The following CDYL2 variants were observed in gnomAD, a reference collection of about 807,000 sequenced individuals.
CDYL2 encodes chromodomain Y-like protein 2.
Under a neutral mutation model 49.4 loss-of-function variants are expected in CDYL2, and 23 were observed. The observed-to-expected ratio is 0.47, with a 90% confidence interval of 0.34 to 0.66. The LOEUF (loss-of-function observed/expected upper bound fraction) is 0.66. Among genes scored for constraint, CDYL2 ranks in the 30% least tolerant of loss-of-function variants. The probability of loss-of-function intolerance (pLI) is 0.01; values close to 1 mark genes in which losing one functional copy is unlikely to be tolerated. For synonymous variants in CDYL2, 360 were observed against 268.8 expected (o/e 1.34, Z -3.32); for missense variants, 678 against 656.4 (o/e 1.03, Z -0.36).
chr16:80,630,759 T>A (rs1229703553), intron 3 of CDYL2, among the ~76,000 whole-genome samples: 2 of 152,062 alleles, frequency 1.3e-5, no homozygotes, highest in African/African-American at 4.8e-5. Context: ...TGTCAATCAT[T>A]CCAGATGGCC....
intron 1 of CDYL2, among the ~76,000 whole-genome samples, chr16:80,783,306 C>A (rs953040042): frequency 1.3e-5 from 2 of 152,134 alleles, no homozygotes; most frequent in African/African-American, 4.8e-5. Flanking sequence ...GCAATCAAAA[C>A]TGCAATGAGA....
At chr16:80,629,388 T>C (rs753090714) in intron 3 of CDYL2, among the ~76,000 whole-genome samples, 7 of 152,154 alleles carry the variant, frequency 4.6e-5, no homozygotes, top group African/African-American at 7.2e-5. Flanking sequence ...AGAATAAAGG[T>C]GAACCGGCCT....
At chr16:80,739,247 G>T (rs182781759) in intron 1 of CDYL2, among the ~76,000 whole-genome samples, 86 of 152,314 alleles carry the variant, frequency 5.6e-4, no homozygotes, top group African/African-American at 1.7e-3. Flanking sequence ...AGGACTGGGG[G>T]AGAAGGGGAG....
intron 2 of CDYL2, among the ~76,000 whole-genome samples, chr16:80,667,551 T>C (rs1391361646): frequency 1.3e-5 from 2 of 152,192 alleles, no homozygotes; most frequent in Non-Finnish European, 2.9e-5. Context: ...ATCTTCTGCA[T>C]GTCTCCATCA....
At chr16:80,692,121 A>C (rs1290213181) in intron 1 of CDYL2, among the ~76,000 whole-genome samples, 2 of 152,254 alleles carry the variant, frequency 1.3e-5, no homozygotes, top group African/African-American at 4.8e-5. Flanking sequence ...TAAACAGGGC[A>C]GAAACGCTAA....
chr16:80,609,245 A>C (rs1003512705), intron 5 of CDYL2, among the ~76,000 whole-genome samples: 1 of 152,216 alleles, frequency 6.6e-6, no homozygotes, highest in Non-Finnish European at 1.5e-5. Flanking sequence ...AGTGACTGAT[A>C]ATTAGGGCAT....
intron 1 of CDYL2, among the ~76,000 whole-genome samples, chr16:80,782,282 CAG>C (rs1431751270): frequency 6.6e-6 from 1 of 151,590 alleles, no homozygotes; most frequent in Non-Finnish European, 1.5e-5. Context: ...ACAAGCAAAA[CAG>C]ACTCAAAAAT....
chr16:80,797,261 C>T (rs1597138301), intron 1 of CDYL2, among the ~76,000 whole-genome samples: 1 of 152,318 alleles, frequency 6.6e-6, no homozygotes, highest in South Asian at 2.1e-4. Flanking sequence ...AACTCACTGT[C>T]CTTTCCACTC....
At chr16:80,727,042 T>C (rs1905185823) in intron 1 of CDYL2, among the ~76,000 whole-genome samples, 1 of 152,180 alleles carries the variant, frequency 6.6e-6, no homozygotes, top group Non-Finnish European at 1.5e-5. Flanking sequence ...GCCATGACTG[T>C]GCCTGGGCAA....
Position 80,620,849 on chromosome 16 carries a change from G to A in CDYL2, c.921C>T (p.Phe307=). The A allele has an allele frequency of 1.2e-6, 2 of 1,613,662 alleles. No individual in the cohort carries two copies. The highest frequency in any genetic ancestry group is 1.7e-6 in the Non-Finnish European group (2 of 1,179,620). Residue 307 remains phenylalanine, a synonymous_variant, in exon 4 of 7, where the codon TTC becomes TTT. Transcript: ENST00000570137. ...GGTAGGAATAATCCAGGCCGCTGCAGAACACGCTCCCCACTGCGCTGAGGA... is the reference window on the plus strand; with the variant it reads ...GGTAGGAATAATCCAGGCCGCTGCAAAACACGCTCCCCACTGCGCTGAGGA... ...LLLLSAVGSV[F]CSGLDYSYLI... is the part of the protein sequence containing the mutation.
In CDYL2 at chr16:80,771,319, A is replaced by T. The variant is rs1420858708; in HGVS notation, c.24+32831T>A. 3.9e-5 allele frequency among the ~76,000 whole-genome samples: 6 copies of T among 152,190 alleles called. No homozygotes were observed. In the East Asian group the frequency reaches 1.2e-3, roughly 29 times the overall value. On this transcript the variant is annotated intron_variant, in intron 1 of 6. Coordinates refer to ENST00000570137, the MANE Select transcript of CDYL2 (RefSeq NM_152342.4). ...CAAAAATAGCCCAGGGTCTAGGGGG[A>T]CTCCAGATGTTGAAATGTCAAACAC...
chr16:80,731,034 G>A (rs1905309103), intron 1 of CDYL2, among the ~76,000 whole-genome samples: 1 of 152,094 alleles, frequency 6.6e-6, no homozygotes, highest in Admixed American at 6.6e-5. Context: ...GACTGACAGA[G>A]GTGACAACTT....
intron 2 of CDYL2, among the ~76,000 whole-genome samples, chr16:80,663,046 A>G (rs993611829): frequency 1.3e-5 from 2 of 150,148 alleles, no homozygotes; most frequent in Admixed American, 1.3e-4. Flanking sequence ...CTTGATCAAA[A>G]GACATAGGGG....
At chr16:80,615,112 T>G (rs1251631488) in intron 4 of CDYL2, among the ~76,000 whole-genome samples, 2 of 152,064 alleles carry the variant, frequency 1.3e-5, no homozygotes, top group African/African-American at 4.8e-5. Context: ...GATGGTGGAG[T>G]TAGCTCTCAG....
At chr16:80,778,272 C>T (rs757639116) in intron 1 of CDYL2, among the ~76,000 whole-genome samples, 1 of 151,844 alleles carries the variant, frequency 6.6e-6, no homozygotes. Flanking sequence ...AGCTATTACA[C>T]TATAATTTAG....
intron 1 of CDYL2, among the ~76,000 whole-genome samples, chr16:80,742,752 GGATGGATAGATGGATT>G (rs2142553564): frequency 6.6e-6 from 1 of 151,750 alleles, no homozygotes; most frequent in East Asian, 2.0e-4. Flanking sequence ...GTGAGTGGGT[GGATGGATAGATGGATT>G]GATGGATAGA....
intron 1 of CDYL2, among the ~76,000 whole-genome samples, chr16:80,747,468 T>G (rs1464486597): frequency 6.6e-6 from 1 of 152,198 alleles, no homozygotes; most frequent in African/African-American, 2.4e-5. Flanking sequence ...ACCTATCACG[T>G]GCTTAATAAA....
chr16:80,610,289 T>A (rs149750242), intron 5 of CDYL2, among the ~76,000 whole-genome samples: 2 of 152,212 alleles, frequency 1.3e-5, no homozygotes, highest in African/African-American at 4.8e-5. Flanking sequence ...CACCTGCCCT[T>A]CCACAGGTGC....
At chr16:80,741,595 A>T (rs1412692742) in intron 1 of CDYL2, among the ~76,000 whole-genome samples, 1 of 152,224 alleles carries the variant, frequency 6.6e-6, no homozygotes, top group Non-Finnish European at 1.5e-5. Context: ...ACGAAAAAGA[A>T]GTGTGTGAGG....
Sources: allele counts gnomAD v4.1 joint callset (sites outside exome capture counted in the v4.1 genomes callset), GRCh38; gene constraint gnomAD v4.1.1; transcripts MANE v1.5; gene names NCBI Gene and HGNC (gene_info 2026-07-23, HGNC 2026-07-21).